Variants in GPR158 observed in about 807,000 individuals in gnomAD.
The protein encoded by GPR158 is metabotropic glycine receptor.
Under a neutral mutation model 78.2 loss-of-function variants are expected in GPR158, and 30 were observed. The observed-to-expected ratio is 0.38, with a 90% confidence interval of 0.29 to 0.52. The LOEUF is 0.52. Ranked by LOEUF, GPR158 falls within the 20% of genes least tolerant of loss-of-function variation. The probability of loss-of-function intolerance (pLI) is 0.83; values close to 1 mark genes in which losing one functional copy is unlikely to be tolerated. For synonymous variants in GPR158, 581 were observed against 591.1 expected (o/e 0.98, Z 0.25); for missense variants, 1,463 against 1,523.5 (o/e 0.96, Z 0.66).
At chr10:25,295,097 C>T (rs368108301) in intron 2 of GPR158, among the ~76,000 whole-genome samples, 2 of 152,194 alleles carry the variant, frequency 1.3e-5, no homozygotes, top group African/African-American at 4.8e-5. Context: ...GCCCCATATG[C>T]GGACCTCCCT....
intron 2 of GPR158, among the ~76,000 whole-genome samples, chr10:25,387,516 A>AT (rs57404980): frequency 0.14 from 19,807 of 140,340 alleles, 1,790 homozygotes; most frequent in East Asian, 0.42. Flanking sequence ...TTCTCTTCAA[A>AT]TTTTTTTTTT....
intron 2 of GPR158, among the ~76,000 whole-genome samples, chr10:25,316,550 T>A (rs1440879339): frequency 6.6e-6 from 1 of 152,194 alleles, no homozygotes; most frequent in Non-Finnish European, 1.5e-5. Flanking sequence ...AGAATCAAAT[T>A]GGACAGTGTC....
intron 2 of GPR158, among the ~76,000 whole-genome samples, chr10:25,249,571 A>C (rs1293935772): frequency 2.6e-5 from 4 of 151,998 alleles, no homozygotes; most frequent in Non-Finnish European, 5.9e-5. Flanking sequence ...TGAGATAATC[A>C]TGTGGATTTT....
At chr10:25,390,287 G>A (rs902719055) in intron 2 of GPR158, among the ~76,000 whole-genome samples, 1 of 152,236 alleles carries the variant, frequency 6.6e-6, no homozygotes, top group Admixed American at 6.5e-5. Flanking sequence ...ACAGATAGAG[G>A]TTGGAACAGT....
chr10:25,311,409 T>C (rs1854761974), intron 2 of GPR158, among the ~76,000 whole-genome samples: 1 of 151,932 alleles, frequency 6.6e-6, no homozygotes, highest in East Asian at 1.9e-4. Context: ...ATATGAAATA[T>C]TCTATTTTCT....
intron 1 of GPR158, among the ~76,000 whole-genome samples, chr10:25,180,557 A>T (rs143964559): frequency 1.3e-5 from 2 of 152,206 alleles, no homozygotes; most frequent in Non-Finnish European, 2.9e-5. Flanking sequence ...TTTTGGGCCA[A>T]CAATGCAACC....
intron 2 of GPR158, among the ~76,000 whole-genome samples, chr10:25,231,290 C>G (rs1367379200): frequency 9.2e-5 from 14 of 152,090 alleles, no homozygotes. Context: ...TTTAGCTGAC[C>G]TTCGATTGCA....
chr10:25,260,022 A>AT (rs1367238864), intron 2 of GPR158, among the ~76,000 whole-genome samples: 5 of 152,042 alleles, frequency 3.3e-5, no homozygotes, highest in African/African-American at 1.2e-4. Flanking sequence ...CACTGCTATT[A>AT]TTTAAAATTT....
At chr10:25,491,757 T>A (rs544646560) in intron 5 of GPR158, among the ~76,000 whole-genome samples, 2 of 152,170 alleles carry the variant, frequency 1.3e-5, no homozygotes, top group Non-Finnish European at 2.9e-5. Flanking sequence ...AATTATCTTG[T>A]TTACTTAAAT....
Position 25,420,991 on chromosome 10 carries a change from T to C in GPR158, c.1335+8518T>C, listed in dbSNP as rs73608291. 4.6e-3 allele frequency among the ~76,000 whole-genome samples: 696 copies of C among 152,342 alleles called. 8 individuals are homozygous for C. Among genetic ancestry groups the C allele is most frequent in the African/African-American group, 0.016 (657 of 41,586 alleles). On this transcript the variant is annotated intron_variant, in intron 4 of 10. Coordinates refer to ENST00000376351, the MANE Select transcript of GPR158 (RefSeq NM_020752.3). The stretch of plus-strand genomic sequence containing the variant: ...ATTTTAGGATGTGTTTTTCTGTTTC[T>C]ACAAAACTATTGCTGGGATTTTGAT...
chr10:25,351,668 G>A (rs1855473737), intron 2 of GPR158, among the ~76,000 whole-genome samples: 2 of 149,710 alleles, frequency 1.3e-5, no homozygotes, highest in East Asian at 3.9e-4. Context: ...TGACACCCTG[G>A]TCTGGTGTAC....
chr10:25,251,271 T>A (rs1174687708), intron 2 of GPR158, among the ~76,000 whole-genome samples: 2 of 152,182 alleles, frequency 1.3e-5, no homozygotes, highest in Non-Finnish European at 1.5e-5. Flanking sequence ...TTATCCAATT[T>A]GCCAGTCTGT....
intron 2 of GPR158, among the ~76,000 whole-genome samples, chr10:25,348,624 A>G (rs1013133695): frequency 6.6e-6 from 1 of 151,992 alleles, no homozygotes; most frequent in Non-Finnish European, 1.5e-5. Context: ...CTGAACACTT[A>G]TCTCCCCTAG....
chr10:25,285,465 C>T (rs186039037), intron 2 of GPR158, among the ~76,000 whole-genome samples: 1 of 152,204 alleles, frequency 6.6e-6, no homozygotes, highest in East Asian at 1.9e-4. Context: ...GGCCTCAGAA[C>T]CAGGGAAGCC....
At chr10:25,551,149 T>C (rs1836720680) in intron 6 of GPR158, 64 bp downstream of exon 6, 1 of 930,360 alleles carries the variant, frequency 1.1e-6, no homozygotes, top group Non-Finnish European at 1.8e-6. Flanking sequence ...TGGCACATAA[T>C]TGTTAGCTGG....
At chr10:25,361,246 T>G (rs1855634838) in intron 2 of GPR158, among the ~76,000 whole-genome samples, 1 of 152,022 alleles carries the variant, frequency 6.6e-6, no homozygotes. Context: ...TTCAACTATG[T>G]TGTGGCATAT....
chr10:25,421,347 G>A (rs72780197), intron 4 of GPR158, among the ~76,000 whole-genome samples: 9 of 151,776 alleles, frequency 5.9e-5, no homozygotes, highest in Non-Finnish European at 7.4e-5. Context: ...TTCCTCCTTC[G>A]TGCTTTCTAT....
chr10:25,451,574 A>T (rs1835215965), intron 4 of GPR158, among the ~76,000 whole-genome samples: 1 of 152,234 alleles, frequency 6.6e-6, no homozygotes, highest in Non-Finnish European at 1.5e-5. Flanking sequence ...CTATTTTAAA[A>T]TGACAGCTTT....
At chr10:25,230,140 G>A (rs910874976) in intron 2 of GPR158, among the ~76,000 whole-genome samples, 2 of 152,104 alleles carry the variant, frequency 1.3e-5, no homozygotes, top group Non-Finnish European at 2.9e-5. Flanking sequence ...GATATTGCGG[G>A]GTAGAGAAAT....
Sources: allele counts gnomAD v4.1 joint callset (sites outside exome capture counted in the v4.1 genomes callset), GRCh38; gene constraint gnomAD v4.1.1; transcripts MANE v1.5; gene names NCBI Gene and HGNC (gene_info 2026-07-23, HGNC 2026-07-21).